HDAC9: variants seen among roughly 807,000 people sequenced by gnomAD.
HDAC9 encodes the protein histone deacetylase 9.
A neutral mutation model predicts 139.4 loss-of-function variants in HDAC9; 41 were observed. The observed-to-expected ratio is 0.29, with a 90% CI of 0.23 to 0.38. The LOEUF (loss-of-function observed/expected upper bound fraction) is 0.38, where lower values mean the gene tolerates loss of function less well. HDAC9 is among the 10% of genes least tolerant of loss of function. The pLI is 1.00. For synonymous variants in HDAC9, 517 were observed against 476.2 expected (o/e 1.09, Z -1.12); for missense variants, 1,147 against 1,297.0 (o/e 0.88, Z 1.78).
chr7:18,799,675 G>T (rs1585058071), intron 17 of HDAC9, among the ~76,000 whole-genome samples: 1 of 152,240 alleles, frequency 6.6e-6, no homozygotes, highest in Middle Eastern at 3.4e-3. Flanking sequence ...GTAGAAATGT[G>T]AGCAGGCAGA....
chr7:18,319,450 A>G (rs1562873639), intron 1 of HDAC9, among the ~76,000 whole-genome samples: 2 of 152,202 alleles, frequency 1.3e-5, no homozygotes, highest in South Asian at 2.1e-4. Context: ...AATCAGATCA[A>G]ATATTTGGAA....
At chr7:18,502,374 G>T (rs1798622526) in intron 2 of HDAC9, 1 of 152,132 alleles carries the variant, frequency 6.6e-6, no homozygotes, top group African/African-American at 2.4e-5. Flanking sequence ...CCATGACTGA[G>T]CTGGGAAGGC....
chr7:18,286,574 A>G (rs1387830566), upstream of HDAC9, among the ~76,000 whole-genome samples: 1 of 151,712 alleles, frequency 6.6e-6, no homozygotes, highest in East Asian at 1.9e-4. Context: ...AATTTGGGGG[A>G]AAATCAGTTT....
intron 2 of HDAC9, among the ~76,000 whole-genome samples, chr7:18,206,179 A>C (rs999163876): frequency 3.3e-5 from 5 of 152,182 alleles, no homozygotes; most frequent in African/African-American, 1.2e-4. Flanking sequence ...GTGACTGATG[A>C]TCATTTTTGG....
intron 1 of HDAC9, among the ~76,000 whole-genome samples, chr7:18,478,827 G>C (rs572302715): frequency 1.1e-3 from 168 of 152,204 alleles, no homozygotes; most frequent in African/African-American, 3.9e-3. Flanking sequence ...TTGTCTGTCT[G>C]CTGGGTTTAA....
chr7:18,530,139 A>G (rs908527362), intron 2 of HDAC9, among the ~76,000 whole-genome samples: 10 of 152,124 alleles, frequency 6.6e-5, no homozygotes, highest in Admixed American at 6.6e-4. Context: ...AAAAATAAAA[A>G]AAATAAGCCA....
At chr7:18,719,093 A>T (rs1784929520) in intron 12 of HDAC9, among the ~76,000 whole-genome samples, 1 of 152,104 alleles carries the variant, frequency 6.6e-6, no homozygotes, top group African/African-American at 2.4e-5. Flanking sequence ...CCATTTTTAA[A>T]TTGGGTTGCC....
intron 16 of HDAC9, among the ~76,000 whole-genome samples, chr7:18,788,882 G>A (rs1562942367): frequency 1.3e-5 from 2 of 151,680 alleles, no homozygotes; most frequent in South Asian, 2.1e-4. Flanking sequence ...TGTTTGTGCC[G>A]CACCCCTTGA....
chr7:18,736,747 A>T (rs1460640592), intron 13 of HDAC9, among the ~76,000 whole-genome samples: 1 of 152,244 alleles, frequency 6.6e-6, no homozygotes, highest in Non-Finnish European at 1.5e-5. Context: ...AGCTGGCCTC[A>T]TAAAATCAGT....
intron 1 of HDAC9, among the ~76,000 whole-genome samples, chr7:18,391,136 G>A (rs986755198): frequency 1.3e-5 from 2 of 152,032 alleles, no homozygotes; most frequent in Non-Finnish European, 2.9e-5. Context: ...TGTAATCCTA[G>A]CACTTTGGGA....
At chr7:18,634,404 T>C (rs1783263898) in intron 7 of HDAC9, among the ~76,000 whole-genome samples, 1 of 151,838 alleles carries the variant, frequency 6.6e-6, no homozygotes. Flanking sequence ...CTCTAGAAAC[T>C]GTTGAACACT....
chr7:18,110,928 G>A (rs1783573665), intron 1 of HDAC9, among the ~76,000 whole-genome samples: 1 of 152,144 alleles, frequency 6.6e-6, no homozygotes, highest in African/African-American at 2.4e-5. Context: ...TTGGATGTTG[G>A]TATAGGTCAG....
chr7:18,529,586 T>C (rs1482213983), intron 2 of HDAC9, among the ~76,000 whole-genome samples: 2 of 152,202 alleles, frequency 1.3e-5, no homozygotes, highest in Non-Finnish European at 2.9e-5. Flanking sequence ...AACTTTAACA[T>C]AACAGAAAAG....
rs763850039 is a variant in HDAC9, at chr7:18,975,894, T to G, written c.3111T>G (p.Val1037=). The part of the protein sequence containing the change: ...GAQLQEETET[V]SALASLTVDV... ...AGTTGCAAGAGGAGACAGAGACCGT[T>G]TCTGCCCTGGCCTCCCTAACAGTGG... The change falls in exon 25 of 26, where the codon GTT becomes GTG. Residue 1037 remains valine (V), a synonymous_variant. Coordinates refer to ENST00000686413, the MANE Select transcript of HDAC9 (RefSeq NM_178425.4). The G allele has an allele frequency of 1.9e-6, 3 of 1,613,876 alleles. No homozygotes were observed. The South Asian group carries it at 3.3e-5, about 18-fold the overall frequency.
intron 11 of HDAC9, 143 bp downstream of exon 11, chr7:18,648,826 C>G (rs1584575884): frequency 1.5e-6 from 1 of 688,428 alleles, no homozygotes; most frequent in South Asian, 1.8e-5. Flanking sequence ...TTTCTTGGCT[C>G]AAGGACACCA....
chr7:18,792,333 G>C (rs1428256662), intron 16 of HDAC9, among the ~76,000 whole-genome samples: 2 of 146,702 alleles, frequency 1.4e-5, no homozygotes, highest in East Asian at 2.0e-4. Context: ...GGGAAGTCTT[G>C]CTATTTACAG....
At chr7:18,212,392 G>A (rs1792005398) in intron 2 of HDAC9, among the ~76,000 whole-genome samples, 1 of 152,078 alleles carries the variant, frequency 6.6e-6, no homozygotes, top group South Asian at 2.1e-4. Context: ...AACCCTGTCT[G>A]TGATGAGACA....
intron 12 of HDAC9, among the ~76,000 whole-genome samples, chr7:18,676,682 A>G (rs1038174583): frequency 1.3e-5 from 2 of 151,996 alleles, no homozygotes; most frequent in African/African-American, 4.8e-5. Context: ...TGACAAACTC[A>G]TAAAAATATC....
intron 1 of HDAC9, among the ~76,000 whole-genome samples, chr7:18,313,028 A>G (rs1002350135): frequency 7.2e-5 from 11 of 152,114 alleles, no homozygotes; most frequent in South Asian, 2.1e-4. Context: ...AATTAGACAT[A>G]AGGCACCTGT....
Sources: allele counts gnomAD v4.1 joint callset (sites outside exome capture counted in the v4.1 genomes callset), GRCh38; gene constraint gnomAD v4.1.1; transcripts MANE v1.5; gene names NCBI Gene and HGNC (gene_info 2026-07-23, HGNC 2026-07-21).